GPC1: variants seen among roughly 807,000 people sequenced by gnomAD.
GPC1 encodes glypican-1.
GPC1 carries 26 observed loss-of-function variants against 51.5 expected under a neutral mutation model. That is an observed-to-expected ratio of 0.50 (90% confidence interval 0.37 to 0.70). The LOEUF (loss-of-function observed/expected upper bound fraction) is 0.70. Among genes scored for constraint, GPC1 ranks in the 30% least tolerant of loss-of-function variants. GPC1 has a pLI of 0.00. For missense variants in GPC1, 775 were observed against 800.5 expected (o/e 0.97, Z 0.38); for synonymous variants, 380 against 348.3 (o/e 1.09, Z -1.01).
chr2:240,436,044 G>C lies in GPC1; in HGVS notation c.126G>C (p.Lys42Asn), dbSNP rs1202901197. ...CGEVRQIYGA[K>N]GFSLSDVPQA... ...AGGTCCGCCAGATCTACGGAGCCAA[G>C]GGCTTCAGCCTGAGCGACGTGCCCC... Residue 42 changes from lysine (K) to asparagine (N), a missense_variant, in exon 1 of 9, where the codon AAG becomes AAC. By Grantham distance (94) the Lys-to-Asn change is moderately conservative. Coordinates refer to ENST00000264039, the MANE Select transcript of GPC1 (RefSeq NM_002081.3). 1 of 1,372,788 alleles carries C rather than the reference G, an allele frequency of 7.3e-7. No individual in the cohort carries two copies. The highest frequency in any genetic ancestry group is 9.4e-7 in the Non-Finnish European group (1 of 1,060,698). 85.0% of individuals were successfully genotyped at this position (1,372,788 alleles called of 1,614,324 possible).
chr2:240,442,299 T>G (rs1355087901), intron 1 of GPC1: 1 of 151,990 alleles, frequency 6.6e-6, no homozygotes, highest in Non-Finnish European at 1.5e-5. Flanking sequence ...CGGTACCGGG[T>G]GGGGCTGGGT....
intron 1 of GPC1, 30 bp from the exon 2 acceptor site, chr2:240,459,000 C>T (rs766092035): frequency 2.9e-5 from 47 of 1,605,956 alleles, no homozygotes; most frequent in Middle Eastern, 1.7e-4. Flanking sequence ...TGTCCCAGCC[C>T]CTCTCCCTCA....
chr2:240,453,021 G>T (rs751372417), intron 1 of GPC1: 4 of 350,168 alleles, frequency 1.1e-5, no homozygotes, highest in South Asian at 3.9e-5. Context: ...CGCTGCGAAG[G>T]GGGTCCCGCG....
intron 1 of GPC1, among the ~76,000 whole-genome samples, chr2:240,444,775 G>A: frequency 6.6e-6 from 1 of 152,164 alleles, no homozygotes; most frequent in Non-Finnish European, 1.5e-5. Context: ...ACCCGTGTCT[G>A]GCGCATCCTT....
chr2:240,452,981 C>A, intron 1 of GPC1: 1 of 354,522 alleles, frequency 2.8e-6, no homozygotes, highest in South Asian at 1.9e-5. Flanking sequence ...CACCCAGAGC[C>A]CGCGCGCCGC....
Position 240,466,351 on chromosome 2 carries a change from C to G in GPC1, c.*61C>G. On this transcript the variant is annotated 3_prime_UTR_variant, in exon 9 of 9. Transcript: ENST00000264039. ...GACTTTGCCAAAAATACAACACAGA[C>G]GATATTTAATTCACCTCAGCCTGGA... is the stretch of plus-strand genomic sequence containing the variant. 2 of 950,050 alleles carry G rather than the reference C, an allele frequency of 2.1e-6. No homozygotes were observed. The highest frequency in any genetic ancestry group is 1.4e-5 in the South Asian group (1 of 69,854). The allele number at this position is 950,050 out of a possible 1,614,324, so 58.9% of individuals were successfully genotyped here. A position where few individuals can be genotyped will look rare whatever the true frequency, so the allele number is the denominator to read the frequency against.
In GPC1 at chr2:240,463,506, C is replaced by T. The variant is rs1559202962; in HGVS notation, c.877C>T (p.Leu293Phe). 1.2e-6 allele frequency: 2 copies of T among 1,612,720 alleles called. No homozygotes were observed. Among genetic ancestry groups the T allele is most frequent in the South Asian group, 2.2e-5 (2 of 91,072 alleles). Reference protein sequence around the residue: ...QADLDAEWRNLLDSMVLITDK... With the variant: ...QADLDAEWRNFLDSMVLITDK... ...CGACCTGGACGCCGAGTGGAGGAAC[C>T]TCCTGGGTGAGCCCCCACCCGCGAG... Residue 293 changes from leucine to phenylalanine, a missense_variant, in exon 4 of 9, where the codon CTC becomes TTC. Physicochemically the swap from Leu to Phe is conservative, Grantham distance 22. Transcript: ENST00000264039.
intron 1 of GPC1, chr2:240,451,264 G>A (rs1265741956): frequency 2.1e-6 from 1 of 471,076 alleles, no homozygotes; most frequent in Admixed American, 2.3e-5. Context: ...AGATGGACGG[G>A]CCTGCGCGGC....
At chr2:240,457,919 G>T (rs566636625) in intron 1 of GPC1, 1 of 383,160 alleles carries the variant, frequency 2.6e-6, no homozygotes, top group Non-Finnish European at 5.5e-6. Flanking sequence ...GCCCCCCCTT[G>T]ACCCCACCCC....
chr2:240,466,826 C>A lies in GPC1; in HGVS notation c.*536C>A, dbSNP rs1559204972. On this transcript the variant is annotated 3_prime_UTR_variant, in exon 9 of 9. Coordinates refer to ENST00000264039, the MANE Select transcript of GPC1 (RefSeq NM_002081.3). ...GATGCATGATGCCCTCCCCTCAGCG[C>A]AGGCTGCAGAGCCCGGCCCCACCTC... is the stretch of plus-strand genomic sequence containing the variant. 6.5e-6 allele frequency: 1 copy of A among 154,240 alleles called. No homozygotes were observed. Among genetic ancestry groups the A allele is most frequent in the Non-Finnish European group, 1.4e-5 (1 of 69,376 alleles). 9.6% of individuals were successfully genotyped at this position (154,240 alleles called of 1,614,324 possible).
chr2:240,452,388 T>C (rs946814443), intron 1 of GPC1: 1 of 152,410 alleles, frequency 6.6e-6, no homozygotes, highest in African/African-American at 2.4e-5. Flanking sequence ...AGGTAGAGGA[T>C]GTGGAATGAC....
intron 1 of GPC1, among the ~76,000 whole-genome samples, chr2:240,441,339 C>G (rs572275052): frequency 1.3e-5 from 2 of 152,372 alleles, no homozygotes; most frequent in South Asian, 4.1e-4. Context: ...GGGGCTCACC[C>G]GAAGCCACAC....
intron 1 of GPC1, among the ~76,000 whole-genome samples, chr2:240,446,810 T>C (rs141232859): frequency 6.6e-6 from 1 of 152,196 alleles, no homozygotes; most frequent in Non-Finnish European, 1.5e-5. Context: ...AAGGGCTGGG[T>C]TCTTCCAGCC....
At chr2:240,444,943 C>T (rs2074039789) in intron 1 of GPC1, among the ~76,000 whole-genome samples, 1 of 152,220 alleles carries the variant, frequency 6.6e-6, no homozygotes, top group Admixed American at 6.5e-5. Flanking sequence ...CTACCAGGCC[C>T]TGGGGACAAA....
chr2:240,457,137 C>G (rs535420215), intron 1 of GPC1, among the ~76,000 whole-genome samples: 1 of 152,282 alleles, frequency 6.6e-6, no homozygotes, highest in Admixed American at 6.5e-5. Context: ...CCTGCAGCCC[C>G]TGCGGAGGAC....
chr2:240,450,727 G>C (rs893517650), intron 1 of GPC1: 1 of 468,678 alleles, frequency 2.1e-6, no homozygotes, highest in Non-Finnish European at 4.4e-6. Context: ...GGTCGTGTTC[G>C]CTCCAGTGCC....
At chr2:240,446,008 C>G (rs1040121933) in intron 1 of GPC1, among the ~76,000 whole-genome samples, 1 of 152,244 alleles carries the variant, frequency 6.6e-6, no homozygotes, top group Admixed American at 6.5e-5. Context: ...TTGTATGCTT[C>G]AGAAACAAGC....
intron 3 of GPC1, 48 bp from the exon 4 acceptor site, chr2:240,463,299 G>A (rs1370838410): frequency 3.2e-6 from 5 of 1,571,526 alleles, no homozygotes; most frequent in Non-Finnish European, 4.4e-6. Flanking sequence ...GCCGGGGCCA[G>A]GCACCCCCAG....
chr2:240,462,442 G>C lies in GPC1; in HGVS notation c.577G>C (p.Gly193Arg). ...LLPDDYLDCLGKQAEALRPFG... is the reference protein window; with the variant it reads ...LLPDDYLDCLRKQAEALRPFG... ...GCCTGATGACTACCTGGACTGCCTG[G>C]GCAAGCAGGCCGAGGCGCTGCGGCC... Residue 193 changes from glycine to arginine, a missense_variant, in exon 3 of 9, where the codon GGC becomes CGC. Transcript: ENST00000264039. 1 of 1,606,290 alleles carries C rather than the reference G, an allele frequency of 6.2e-7. No individual in the cohort carries two copies. Among genetic ancestry groups the C allele is most frequent in the Non-Finnish European group, 8.5e-7 (1 of 1,177,180 alleles).
Sources: gnomAD v4.1 joint callset for allele counts (sites outside exome capture counted in the v4.1 genomes callset) on GRCh38, gnomAD v4.1.1 for gene constraint, MANE v1.5 for transcripts, NCBI Gene and HGNC (gene_info 2026-07-23, HGNC 2026-07-21) for gene names.